The following SDK1 variants were observed in gnomAD, a reference collection of about 807,000 sequenced individuals.
The protein encoded by SDK1 is sidekick cell adhesion molecule 1, also known as protein sidekick-1.
Under a neutral mutation model 245.5 loss-of-function variants are expected in SDK1, and 157 were observed. The observed-to-expected ratio is 0.64, with a 90% CI of 0.56 to 0.73. SDK1 has a LOEUF of 0.73. Ranked by LOEUF, SDK1 falls within the 30% of genes least tolerant of loss-of-function variation. The pLI, the probability that SDK1 is intolerant of heterozygous loss-of-function variation, is 0.00. For missense variants in SDK1, 3,583 were observed against 3,002.3 expected (o/e 1.19, Z -4.52); for synonymous variants, 1,647 against 1,278.5 (o/e 1.29, Z -6.15).
chr7:4,220,891 C>T (rs370276867), intron 39 of SDK1, among the ~76,000 whole-genome samples: 6 of 135,948 alleles, frequency 4.4e-5, no homozygotes, highest in Admixed American at 3.0e-4. Flanking sequence ...CCCCACCCCC[C>T]ACCCCGCCTC....
intron 1 of SDK1, among the ~76,000 whole-genome samples, chr7:3,486,445 C>T (rs558764807): frequency 6.6e-6 from 1 of 151,874 alleles, no homozygotes; most frequent in African/African-American, 2.4e-5. Context: ...ATTCTACTTT[C>T]CTGTTTGGTT....
At chr7:4,212,134 A>G (rs1480261866) in intron 38 of SDK1, among the ~76,000 whole-genome samples, 1 of 152,266 alleles carries the variant, frequency 6.6e-6, no homozygotes, top group East Asian at 1.9e-4. Context: ...CGAGGAAAAA[A>G]TACAACGAGC....
chr7:3,692,877 C>T (rs1184965809), intron 4 of SDK1, among the ~76,000 whole-genome samples: 1 of 152,060 alleles, frequency 6.6e-6, no homozygotes, highest in South Asian at 2.1e-4. Flanking sequence ...CTGGCAAATA[C>T]ATTTCTATTT....
At chr7:3,946,950 A>G (rs1345485709) in intron 5 of SDK1, among the ~76,000 whole-genome samples, 1 of 152,202 alleles carries the variant, frequency 6.6e-6, no homozygotes, top group African/African-American at 2.4e-5. Flanking sequence ...CTTTGTGCTA[A>G]TATTTAACTC....
At chr7:3,605,613 A>G (rs1291199188) in intron 1 of SDK1, among the ~76,000 whole-genome samples, 1 of 152,156 alleles carries the variant, frequency 6.6e-6, no homozygotes, top group African/African-American at 2.4e-5. Flanking sequence ...AATGTCACCT[A>G]CTATTTAATT....
chr7:4,188,039 G>A (rs145063668), intron 35 of SDK1, among the ~76,000 whole-genome samples: 10 of 152,266 alleles, frequency 6.6e-5, no homozygotes, highest in East Asian at 1.9e-4. Context: ...CTTGTGAGAC[G>A]TATTCACTAC....
chr7:4,144,726 C>T (rs543947257), intron 28 of SDK1, among the ~76,000 whole-genome samples: 4 of 152,254 alleles, frequency 2.6e-5, no homozygotes, highest in South Asian at 2.1e-4. Flanking sequence ...TGGGGTCGCC[C>T]GGCAGCTCCT....
At chr7:3,437,510 A>C (rs1378438124) in intron 1 of SDK1, among the ~76,000 whole-genome samples, 1 of 152,104 alleles carries the variant, frequency 6.6e-6, no homozygotes, top group Non-Finnish European at 1.5e-5. Flanking sequence ...AGTGGCTCAC[A>C]CTTGTAATCT....
intron 1 of SDK1, among the ~76,000 whole-genome samples, chr7:3,371,532 A>G (rs1426871509): frequency 6.6e-6 from 1 of 152,190 alleles, no homozygotes; most frequent in South Asian, 2.1e-4. Flanking sequence ...GAAAACAGAA[A>G]CATACAAACA....
intron 1 of SDK1, among the ~76,000 whole-genome samples, chr7:3,498,238 G>T (rs1277530513): frequency 6.6e-6 from 1 of 152,112 alleles, no homozygotes; most frequent in Non-Finnish European, 1.5e-5. Context: ...GAGAACTAAA[G>T]ACGACATGTG....
intron 1 of SDK1, among the ~76,000 whole-genome samples, chr7:3,366,059 T>C (rs751244549): frequency 2.0e-5 from 3 of 151,204 alleles, no homozygotes; most frequent in Non-Finnish European, 4.4e-5. Context: ...AAAAAGTCTC[T>C]TCATATATTT....
intron 4 of SDK1, among the ~76,000 whole-genome samples, chr7:3,721,029 A>G (rs1785351591): frequency 1.3e-5 from 2 of 152,202 alleles, no homozygotes; most frequent in Admixed American, 1.3e-4. Context: ...TTTAGATTCC[A>G]TTTATTTAAG....
intron 1 of SDK1, among the ~76,000 whole-genome samples, chr7:3,361,653 A>T (rs1011083356): frequency 8.5e-5 from 13 of 152,220 alleles, no homozygotes; most frequent in Admixed American, 2.6e-4. Flanking sequence ...GTGCCTGATC[A>T]ATTACCCTAT....
At chr7:3,551,029 G>A (rs1485011910) in intron 1 of SDK1, among the ~76,000 whole-genome samples, 1 of 152,142 alleles carries the variant, frequency 6.6e-6, no homozygotes, top group Non-Finnish European at 1.5e-5. Flanking sequence ...TTTTTAGAAG[G>A]TTAGGAGAAA....
intron 19 of SDK1, among the ~76,000 whole-genome samples, chr7:4,064,403 T>G (rs1327431192): frequency 6.6e-6 from 1 of 152,048 alleles, no homozygotes; most frequent in Non-Finnish European, 1.5e-5. Flanking sequence ...ATCACTAGAA[T>G]TAAAAAGACA....
chr7:3,381,217 G>C (rs1036970615), intron 1 of SDK1, among the ~76,000 whole-genome samples: 1 of 152,158 alleles, frequency 6.6e-6, no homozygotes, highest in African/African-American at 2.4e-5. Flanking sequence ...AACCAAGAAC[G>C]AGGGGCAAGT....
chr7:3,404,820 T>A (rs1266500087), intron 1 of SDK1, among the ~76,000 whole-genome samples: 1 of 152,190 alleles, frequency 6.6e-6, no homozygotes, highest in African/African-American at 2.4e-5. Flanking sequence ...AAAAGCTATT[T>A]TGGAGCATTT....
chr7:3,737,313 A>C (rs532208724), intron 4 of SDK1, among the ~76,000 whole-genome samples: 1 of 152,254 alleles, frequency 6.6e-6, no homozygotes, highest in South Asian at 2.1e-4. Flanking sequence ...GGGTGGCTGC[A>C]GGCTGTGCTC....
chr7:3,820,375 C>G (rs1779615066), intron 4 of SDK1, among the ~76,000 whole-genome samples: 1 of 152,188 alleles, frequency 6.6e-6, no homozygotes, highest in Non-Finnish European at 1.5e-5. Flanking sequence ...GTCTCGATCT[C>G]TTGACGTCAC....
Sources: allele counts gnomAD v4.1 joint callset (sites outside exome capture counted in the v4.1 genomes callset), GRCh38; gene constraint gnomAD v4.1.1; transcripts MANE v1.5; gene names NCBI Gene and HGNC (gene_info 2026-07-23, HGNC 2026-07-21).